UGT1A10: variants seen among roughly 807,000 people sequenced by gnomAD.
UGT1A10 encodes UDP glucuronosyltransferase family 1 member A10.
Under a neutral mutation model 45.8 loss-of-function variants are expected in UGT1A10, and 49 were observed. The observed-to-expected ratio is 1.07, with a 90% CI of 0.85 to 1.36. UGT1A10 has a LOEUF of 1.36. Ranked by LOEUF, UGT1A10 falls within the 40% of genes most tolerant of loss-of-function variation. UGT1A10 has a pLI of 0.00. For missense variants in UGT1A10, 745 were observed against 668.6 expected (o/e 1.11, Z -1.26); for synonymous variants, 284 against 249.7 (o/e 1.14, Z -1.29).
At chr2:233,718,557 G>A (rs1043661676) in intron 1 of UGT1A10, among the ~76,000 whole-genome samples, 1 of 152,220 alleles carries the variant, frequency 6.6e-6, no homozygotes, top group Non-Finnish European at 1.5e-5. Context: ...AGAAAGAAGA[G>A]CTTGAACTTG....
At chr2:233,684,922 A>G (rs573693941) in intron 1 of UGT1A10, among the ~76,000 whole-genome samples, 3 of 151,414 alleles carry the variant, frequency 2.0e-5, no homozygotes, top group African/African-American at 7.2e-5. Context: ...CTTGTTAGAC[A>G]ACAGGATTCA....
At chr2:233,650,476 G>A (rs2073711977) in intron 1 of UGT1A10, among the ~76,000 whole-genome samples, 1 of 152,182 alleles carries the variant, frequency 6.6e-6, no homozygotes, top group Non-Finnish European at 1.5e-5. Context: ...TTCAGTTAGA[G>A]CATGAGCAAG....
intron 1 of UGT1A10, among the ~76,000 whole-genome samples, chr2:233,705,146 AAAAG>A (rs908627125): frequency 7.2e-5 from 11 of 152,126 alleles, no homozygotes; most frequent in African/African-American, 2.2e-4. Flanking sequence ...GAAAAAAAAA[AAAAG>A]AGAGAGAGAG....
At chr2:233,733,150 A>G (rs1001837266) in intron 1 of UGT1A10, among the ~76,000 whole-genome samples, 7 of 152,190 alleles carry the variant, frequency 4.6e-5, no homozygotes, top group Non-Finnish European at 7.3e-5. Flanking sequence ...ATTTTTGCAC[A>G]TTGATTTTGT....
chr2:233,666,210 A>C (rs1361671770), intron 1 of UGT1A10, among the ~76,000 whole-genome samples: 1 of 152,168 alleles, frequency 6.6e-6, no homozygotes, highest in Non-Finnish European at 1.5e-5. Context: ...TGAAACTAAT[A>C]GATGGGAAGT....
Position 233,772,402 on chromosome 2 carries a change from C to T in UGT1A10, c.1436C>T (p.Thr479Ile), listed in dbSNP as rs1279219087. The T allele has an allele frequency of 6.2e-7, 1 of 1,614,144 alleles. No individual in the cohort carries two copies. The highest frequency in any genetic ancestry group is 1.3e-5 in the African/African-American group (1 of 74,938). ...CTGCGCCCCGCAGCCCACGACCTCA[C>T]CTGGTACCAGTACCATTCCTTGGAC... ...PHLRPAAHDLTWYQYHSLDVI... is the reference protein window; with the variant it reads ...PHLRPAAHDLIWYQYHSLDVI... The change falls in exon 5 of 5, where the codon ACC (threonine) becomes ATC (isoleucine). Residue 479 changes from threonine to isoleucine, a missense_variant. By Grantham distance (89) the Thr-to-Ile change is moderately conservative. Coordinates refer to ENST00000344644, the MANE Select transcript of UGT1A10 (RefSeq NM_019075.4).
At chr2:233,716,595 T>G (rs185923790) in intron 1 of UGT1A10, among the ~76,000 whole-genome samples, 46 of 152,352 alleles carry the variant, frequency 3.0e-4, no homozygotes, top group African/African-American at 1.1e-3. Context: ...GAGCAAAAAT[T>G]TTAGAATTTG....
At position 233,748,684 on chromosome 2, in the gene UGT1A10, A is replaced by C. The variant is rs576819549; in HGVS notation, c.856-18350A>C. On this transcript the variant is annotated intron_variant, in intron 1 of 4. Transcript: ENST00000344644. ...TCCAGAGAGGGATCTGTGCTGACAA[A>C]AGATTTTTCTGGTCAGGATTTGGGG... Among the ~76,000 whole-genome samples, 46 of 151,796 alleles carry C rather than the reference A, an allele frequency of 3.0e-4. 1 individual carries two copies. Among genetic ancestry groups the C allele is most frequent in the Non-Finnish European group, 4.4e-4 (30 of 68,030 alleles).
intron 1 of UGT1A10, among the ~76,000 whole-genome samples, chr2:233,687,032 G>A (rs1469264089): frequency 2.0e-5 from 3 of 152,216 alleles, no homozygotes; most frequent in Non-Finnish European, 2.9e-5. Flanking sequence ...GTTCAATGTA[G>A]TGTTTGAGCA....
chr2:233,670,284 G>T (rs1468821814), intron 1 of UGT1A10, among the ~76,000 whole-genome samples: 2 of 152,184 alleles, frequency 1.3e-5, no homozygotes, highest in African/African-American at 2.4e-5. Flanking sequence ...CTGTTTCAGG[G>T]GTGGCAGAGG....
chr2:233,750,907 A>G (rs908558459), intron 1 of UGT1A10, among the ~76,000 whole-genome samples: 1 of 151,862 alleles, frequency 6.6e-6, no homozygotes, highest in Non-Finnish European at 1.5e-5. Flanking sequence ...TCTGCTAGAG[A>G]AGGGTGGTAA....
intron 1 of UGT1A10, among the ~76,000 whole-genome samples, chr2:233,658,018 C>CT (rs34352422): frequency 0.027 from 3,398 of 128,060 alleles, 146 homozygotes; most frequent in African/African-American, 0.088. Context: ...GTTTCCTCCT[C>CT]TTTTTTTTTT....
chr2:233,717,190 G>A (rs932422253), intron 1 of UGT1A10, among the ~76,000 whole-genome samples: 1 of 152,160 alleles, frequency 6.6e-6, no homozygotes, highest in African/African-American at 2.4e-5. Flanking sequence ...ACCCTCCCAG[G>A]CATGTTCCAC....
intron 1 of UGT1A10, chr2:233,671,924 G>A: frequency 1.3e-6 from 2 of 1,597,406 alleles, no homozygotes; most frequent in Non-Finnish European, 1.7e-6. Flanking sequence ...GCTCTCAGCT[G>A]CAGTTCTCTG....
At chr2:233,707,347 A>G (rs934589203) in intron 1 of UGT1A10, among the ~76,000 whole-genome samples, 7 of 152,128 alleles carry the variant, frequency 4.6e-5, no homozygotes, top group African/African-American at 1.7e-4. Context: ...TGCTGCCCAG[A>G]TCAACCCATC....
At chr2:233,647,816 T>G (rs2073641428) in intron 1 of UGT1A10, 10 of 859,018 alleles carry the variant, frequency 1.2e-5, no homozygotes, top group African/African-American at 3.4e-5. Context: ...AGTTAATTGA[T>G]TTGCCCCAAA....
Position 233,648,337 on chromosome 2 carries a change from G to A in UGT1A10, c.855+10960G>A, listed in dbSNP as rs371027535. ...TTTCTCCCTCCTCTCGGTGGTCTTC[G>A]CCAGAGGAATACTTTGACATTACCT... On this transcript the variant is annotated intron_variant, in intron 1 of 4. Transcript: ENST00000344644. 95 of 472,064 alleles carry A rather than the reference G, an allele frequency of 2.0e-4. No homozygotes were observed. The Middle Eastern group carries it at 4.4e-3, about 22-fold the overall frequency. 29.2% of individuals were successfully genotyped at this position (472,064 alleles called of 1,614,324 possible). A position where few individuals can be genotyped will look rare whatever the true frequency, so the allele number is the denominator to read the frequency against.
Position 233,682,613 on chromosome 2 carries a change from A to G in UGT1A10, c.855+45236A>G, listed in dbSNP as rs2074587182. The stretch of plus-strand genomic sequence containing the variant: ...TTTATTTTGCCCCTATTTTTTCAAA[A>G]ATGTCTTAGAAATAGCCTCTGAAAT... On this transcript the variant is annotated intron_variant, in intron 1 of 4. Transcript: ENST00000344644. 1.2e-6 allele frequency: 2 copies of G among 1,613,888 alleles called. No homozygotes were observed. Among genetic ancestry groups the G allele is most frequent in the African/African-American group, 2.7e-5 (2 of 75,030 alleles).
At chr2:233,655,141 A>G (rs2073829416) in intron 1 of UGT1A10, among the ~76,000 whole-genome samples, 1 of 152,130 alleles carries the variant, frequency 6.6e-6, no homozygotes, top group Non-Finnish European at 1.5e-5. Flanking sequence ...AGAAAGAAAG[A>G]AAGAAAAAGT....
Sources: gnomAD v4.1 joint callset for allele counts (sites outside exome capture counted in the v4.1 genomes callset) on GRCh38, gnomAD v4.1.1 for gene constraint, MANE v1.5 for transcripts, NCBI Gene and HGNC (gene_info 2026-07-23, HGNC 2026-07-21) for gene names.